The following AGAP1 variants were observed in gnomAD, a reference collection of about 807,000 sequenced individuals.
The protein encoded by AGAP1 is arf-GAP with GTPase, ANK repeat and PH domain-containing protein 1.
AGAP1 carries 29 observed loss-of-function variants against 105.3 expected under a neutral mutation model. That is an observed-to-expected ratio of 0.28 (90% CI 0.21 to 0.38). The LOEUF is 0.38. Among genes scored for constraint, AGAP1 ranks in the 10% least tolerant of loss-of-function variants. The pLI is 1.00. For missense variants in AGAP1, 998 were observed against 1,165.1 expected, an observed-to-expected ratio of 0.86 and a Z score of 2.09; for synonymous variants, 509 against 485.9, an observed-to-expected ratio of 1.05 and a Z score of -0.63.
chr2:235,968,474 G>T lies in AGAP1; in HGVS notation c.1496G>T (p.Gly499Val). Residue 499 changes from glycine to valine, a missense_variant, in exon 13 of 18, where the codon GGT becomes GTT. Transcript: ENST00000304032. ...GGTCCAATGGCAGACACAGGGCTGG[G>T]TGACTCCGTATGCTCCAGCCCCAGT... is the stretch of plus-strand genomic sequence containing the variant. The part of the protein sequence containing the change: ...NSAISSDTGL[G>V]DSVCSSPSIS... 6.2e-7 allele frequency: 1 copy of T among 1,601,856 alleles called. No homozygotes were observed.
At chr2:235,597,066 C>T (rs1945549292) in intron 1 of AGAP1, among the ~76,000 whole-genome samples, 1 of 152,164 alleles carries the variant, frequency 6.6e-6, no homozygotes, top group Non-Finnish European at 1.5e-5. Context: ...TTTGTGATAG[C>T]AGCCCCAGCC....
intron 1 of AGAP1, among the ~76,000 whole-genome samples, chr2:235,581,575 G>A (rs1025617219): frequency 1.3e-5 from 2 of 151,824 alleles, no homozygotes; most frequent in Non-Finnish European, 2.9e-5. Flanking sequence ...GGAGGCCAAA[G>A]CAGGCAGATT....
rs561570667 is a variant in AGAP1 at position 236,086,482 on chromosome 2, AT to A, written c.2115-33708del. ...TAAATCCTCTTTTTCCTCTTTTTCT[AT>A]TCAGAAACTAAAAGAAATACTGCCC... is the stretch of plus-strand genomic sequence containing the variant. On this transcript the variant is annotated intron_variant, in intron 16 of 17. Transcript: ENST00000304032. Among the ~76,000 whole-genome samples, 903 of 152,264 alleles carry A rather than the reference AT, an allele frequency of 5.9e-3. 7 individuals are homozygous for A. The highest frequency in any genetic ancestry group is 0.021 in the African/African-American group (853 of 41,556).
chr2:235,740,855 C>G lies in AGAP1; in HGVS notation c.311-108C>G. The stretch of plus-strand genomic sequence containing the variant: ...CAACATCCTAAATACTCAGTTGCCT[C>G]CAGGGCGACAGCCTAGGGTGTATTT... On this transcript the variant is annotated intron_variant, in intron 3 of 17. Transcript: ENST00000304032. This position sits in a 1 kb window ranked among gnomAD's most constrained non-coding sequence, Gnocchi z 5.7. 2 of 1,316,132 alleles carry G rather than the reference C, an allele frequency of 1.5e-6. No individual in the cohort carries two copies. The highest frequency in any genetic ancestry group is 1.1e-6 in the Non-Finnish European group (1 of 937,882). 81.5% of individuals were successfully genotyped at this position (1,316,132 alleles called of 1,614,324 possible).
At chr2:235,771,541 C>G (rs1374656885) in intron 6 of AGAP1, among the ~76,000 whole-genome samples, 1 of 152,186 alleles carries the variant, frequency 6.6e-6, no homozygotes, top group African/African-American at 2.4e-5. Flanking sequence ...AACTGGTGGC[C>G]GTGTGTTCAC....
rs1946031071 is a variant in AGAP1, at chr2:235,608,730, C to T, written c.164-100449C>T. Among the ~76,000 whole-genome samples the T allele has an allele frequency of 6.6e-6, 1 of 152,170 alleles. No homozygotes were observed. The highest frequency in any genetic ancestry group is 1.5e-5 in the Non-Finnish European group (1 of 68,024). On this transcript the variant is annotated intron_variant, in intron 1 of 17. Transcript: ENST00000304032. The surrounding 1 kb of genome is among the most constrained non-coding windows in gnomAD (Gnocchi z 5.4). ...AACCAAAAAATTGTTCTTCTCCTTC[C>T]TTTTTTAGTAGGGGAGAGAGGAGCA... is the stretch of plus-strand genomic sequence containing the variant.
intron 2 of AGAP1, among the ~76,000 whole-genome samples, chr2:235,710,530 G>A (rs1035833017): frequency 6.6e-6 from 1 of 152,168 alleles, no homozygotes; most frequent in African/African-American, 2.4e-5. Context: ...AGGTCTCTGG[G>A]CTGTCTCTGC....
At chr2:236,023,465 T>C (rs2056949332) in intron 13 of AGAP1, among the ~76,000 whole-genome samples, 1 of 152,098 alleles carries the variant, frequency 6.6e-6, no homozygotes, top group Non-Finnish European at 1.5e-5. Flanking sequence ...GAAAACTCAC[T>C]TGTTAATAGG....
rs1215774108 is a variant in AGAP1, at chr2:235,551,634, T to G, written c.163+56785T>G. 6.6e-6 allele frequency among the ~76,000 whole-genome samples: 1 copy of G among 152,258 alleles called. No homozygotes were observed. The highest frequency in any genetic ancestry group is 2.4e-5 in the African/African-American group (1 of 41,468). ...GCATTCTAAGGACACTTTGTGAGAC[T>G]AATTAAAACGTTTTTCTTTCCAAGG... On this transcript the variant is annotated intron_variant, in intron 1 of 17. Transcript: ENST00000304032. This position sits in a 1 kb window ranked among gnomAD's most constrained non-coding sequence, Gnocchi z 4.8.
intron 9 of AGAP1, among the ~76,000 whole-genome samples, chr2:235,825,978 T>C (rs1297951555): frequency 1.3e-5 from 2 of 151,914 alleles, no homozygotes; most frequent in Non-Finnish European, 2.9e-5. Flanking sequence ...CTCATAAATA[T>C]ATACACCTAC....
chr2:236,043,309 T>C (rs1315897222), intron 15 of AGAP1, among the ~76,000 whole-genome samples: 2 of 152,218 alleles, frequency 1.3e-5, no homozygotes, highest in Non-Finnish European at 2.9e-5. Flanking sequence ...CAGAGATCTG[T>C]CTTTCCAGAT....
At chr2:235,894,995 C>T (rs2050735256) in intron 10 of AGAP1, among the ~76,000 whole-genome samples, 1 of 152,230 alleles carries the variant, frequency 6.6e-6, no homozygotes, top group South Asian at 2.1e-4. Flanking sequence ...CCTCCACCCA[C>T]AGCCTCGGCC....
rs200778447 is a variant in AGAP1, at chr2:236,077,126, GAAAAAAAA to G, written c.2114+27855_2114+27862del. On this transcript the variant is annotated intron_variant, in intron 16 of 17. Coordinates refer to ENST00000304032, the MANE Select transcript of AGAP1 (RefSeq NM_001037131.3). Reference sequence around the variant, plus strand: ...CCCTGTCTCAAAGAAAAAAAGAGTAGAAAAAAAAAAAAAAAAATATATATATATATATA... The same window carrying G: ...CCCTGTCTCAAAGAAAAAAAGAGTAGAAAAAAAAATATATATATATATATA... Among the ~76,000 whole-genome samples, 423 of 117,514 alleles carry G rather than the reference GAAAAAAAA, an allele frequency of 3.6e-3. 9 individuals are homozygous for G. The highest frequency in any genetic ancestry group is 0.013 in the African/African-American group (401 of 29,820). The allele number at this position is 117,514 out of a possible 152,430, so 77.1% of individuals were successfully genotyped here.
intron 1 of AGAP1, among the ~76,000 whole-genome samples, chr2:235,561,108 T>A (rs964292896): frequency 6.6e-6 from 1 of 152,188 alleles, no homozygotes; most frequent in Non-Finnish European, 1.5e-5. Context: ...CATTTAGCCT[T>A]CTCTGTTGTG....
intron 17 of AGAP1, among the ~76,000 whole-genome samples, chr2:236,122,423 T>C (rs1483632296): frequency 3.3e-5 from 5 of 152,184 alleles, no homozygotes; most frequent in Non-Finnish European, 7.3e-5. Flanking sequence ...ACAGGCCATC[T>C]TTGCTTCTCC....
chr2:235,859,630 A>C (rs951769424), intron 9 of AGAP1, among the ~76,000 whole-genome samples: 1 of 151,662 alleles, frequency 6.6e-6, no homozygotes. Context: ...CTCAATGCTC[A>C]GAGAGACTCG....
rs1945676228 is a variant in AGAP1 at position 235,600,027 on chromosome 2, A to G, written c.163+105178A>G. 6.6e-6 allele frequency among the ~76,000 whole-genome samples: 1 copy of G among 152,176 alleles called. No individual in the cohort carries two copies. Among genetic ancestry groups the G allele is most frequent in the Non-Finnish European group, 1.5e-5 (1 of 68,034 alleles). On this transcript the variant is annotated intron_variant, in intron 1 of 17. Transcript: ENST00000304032. The surrounding 1 kb of genome is among the most constrained non-coding windows in gnomAD (Gnocchi z 4.8). ...GTAGGTGCAAACTGCAGCCACAGTA[A>G]ACTTCAGGGTGTCAACTTCAGGGGA... is the stretch of plus-strand genomic sequence containing the variant.
intron 1 of AGAP1, among the ~76,000 whole-genome samples, chr2:235,654,286 C>T (rs1404377556): frequency 6.6e-6 from 1 of 152,128 alleles, no homozygotes; most frequent in African/African-American, 2.4e-5. Context: ...CTCTTTGTGG[C>T]ATGTGACATC....
chr2:235,573,453 GACTT>G (rs1574878093), intron 1 of AGAP1, among the ~76,000 whole-genome samples: 1 of 152,036 alleles, frequency 6.6e-6, no homozygotes, highest in East Asian at 1.9e-4. Flanking sequence ...GTTTCATTGA[GACTT>G]ACCAAAACAT....
Sources: allele counts gnomAD v4.1 joint callset (sites outside exome capture counted in the v4.1 genomes callset), GRCh38; gene constraint gnomAD v4.1.1; non-coding constraint Gnocchi (gnomAD v3.1); transcripts MANE v1.5; gene names NCBI Gene and HGNC (gene_info 2026-07-23, HGNC 2026-07-21).